Variants in PIGV observed in about 807,000 individuals in gnomAD.
PIGV encodes GPI alpha-1,6-mannosyltransferase 2.
Under a neutral mutation model 39.2 loss-of-function variants are expected in PIGV, and 27 were observed. The observed-to-expected ratio is 0.69, with a 90% CI of 0.51 to 0.95. The LOEUF is 0.95. Ranked by LOEUF, PIGV falls within the 40% of genes least tolerant of loss-of-function variation. The probability of loss-of-function intolerance (pLI) is 0.00; values close to 1 mark genes in which losing one functional copy is unlikely to be tolerated. For synonymous variants in PIGV, 232 were observed against 241.7 expected, an observed-to-expected ratio of 0.96 and a Z score of 0.37; for missense variants, 523 against 586.4, an observed-to-expected ratio of 0.89 and a Z score of 1.12.
intron 2 of PIGV, among the ~76,000 whole-genome samples, chr1:26,791,963 G>A (rs1216984797): frequency 6.6e-6 from 1 of 152,226 alleles, no homozygotes; most frequent in African/African-American, 2.4e-5. Context: ...CAGCATCCAG[G>A]ATAGGGAACC....
At position 26,795,116 on chromosome 1, in the gene PIGV, G is replaced by A. The variant is rs748890495; in HGVS notation, c.1082G>A (p.Ser361Asn). 1.2e-6 allele frequency: 2 copies of A among 1,614,130 alleles called. No individual in the cohort carries two copies. The highest frequency in any genetic ancestry group is 1.7e-5 in the Admixed American group (1 of 60,018). Residue 361 changes from serine (S) to asparagine (N), a missense_variant, in exon 3 of 4, where the codon AGC (serine) becomes AAC (asparagine). Transcript: ENST00000674202. The stretch of plus-strand genomic sequence containing the variant: ...TGCCTTACACTTGGGCTGCAAAGGA[G>A]CAAGAACAATAAGACCCTAGAGAAG... ...WLCLTLGLQRSKNNKTLEKPD... is the reference protein window; with the variant it reads ...WLCLTLGLQRNKNNKTLEKPD...
At chr1:26,793,625 A>G (rs1570641584) in intron 2 of PIGV, among the ~76,000 whole-genome samples, 1 of 152,188 alleles carries the variant, frequency 6.6e-6, no homozygotes, top group East Asian at 1.9e-4. Flanking sequence ...TTTTTGAAAC[A>G]GGGTCTCATG....
chr1:26,791,339 A>G (rs2081306830), intron 2 of PIGV, among the ~76,000 whole-genome samples: 1 of 152,178 alleles, frequency 6.6e-6, no homozygotes, highest in African/African-American at 2.4e-5. Flanking sequence ...TCCTAAAACC[A>G]TCTGGATATG....
chr1:26,787,330 G>A (rs1182251279), upstream of PIGV: 2 of 152,118 alleles, frequency 1.3e-5, no homozygotes, highest in African/African-American at 2.4e-5. Flanking sequence ...TGAGGGAGGT[G>A]AAAGGAGCCC....
chr1:26,792,428 C>T (rs985533859), intron 2 of PIGV, among the ~76,000 whole-genome samples: 19 of 151,596 alleles, frequency 1.3e-4, no homozygotes, highest in African/African-American at 1.9e-4. Flanking sequence ...CCCGGGTTCA[C>T]GCCATTCTCC....
At chr1:26,790,730 G>A in intron 1 of PIGV, 29 bp from the exon 2 acceptor site, 1 of 1,054,372 alleles carries the variant, frequency 9.5e-7, no homozygotes, top group East Asian at 2.4e-5. Context: ...TTCACTCGAT[G>A]TGTGACATTT....
In PIGV at chr1:26,790,946, G is replaced by A. The variant is rs1405999511; in HGVS notation, c.78+53G>A. 4.8e-6 allele frequency: 7 copies of A among 1,448,980 alleles called. No individual in the cohort carries two copies. In the East Asian group the frequency reaches 1.4e-4, roughly 28 times the overall value. 89.8% of individuals were successfully genotyped at this position (1,448,980 alleles called of 1,614,324 possible). On this transcript the variant is annotated intron_variant, in intron 2 of 3. Transcript: ENST00000674202. The stretch of plus-strand genomic sequence containing the variant: ...GTGCTATTGCTACATGACTGGACTA[G>A]GCAGTAAGAAGTGTCCCCATCTCCT...
chr1:26,795,430 C>T (rs115960004), intron 3 of PIGV, among the ~76,000 whole-genome samples, 196 bp downstream of exon 3: 4 of 152,092 alleles, frequency 2.6e-5, no homozygotes, highest in African/African-American at 7.2e-5. Context: ...GACAAAATTG[C>T]GGCCAGGCGC....
rs2081418445 is a variant in PIGV, at chr1:26,798,679, C to T, written c.*835C>T. ...CTGAGTTTGCGCCACTGCGCTCCAG[C>T]CTGGGCAACAGAGTGAGGCTCTGTC... On this transcript the variant is annotated 3_prime_UTR_variant, in exon 4 of 4. Transcript: ENST00000674202. 6.6e-6 allele frequency among the ~76,000 whole-genome samples: 1 copy of T among 152,206 alleles called. No homozygotes were observed. The highest frequency in any genetic ancestry group is 1.5e-5 in the Non-Finnish European group (1 of 68,040).
At position 26,799,292 on chromosome 1, in the gene PIGV, G is replaced by GT. The variant is rs1362034665; in HGVS notation, c.*1449dup. On this transcript the variant is annotated 3_prime_UTR_variant, in exon 4 of 4. Coordinates refer to ENST00000674202, the MANE Select transcript of PIGV (RefSeq NM_017837.4). Reference sequence around the variant, plus strand: ...GGCGGCAGGAATTGGTAAATTGTACGTAAGTCCAAGGTGGAATGAAATGGT... The same window carrying GT: ...GGCGGCAGGAATTGGTAAATTGTACGTTAAGTCCAAGGTGGAATGAAATGGT... Among the ~76,000 whole-genome samples the GT allele has an allele frequency of 2.0e-5, 3 of 152,206 alleles. No homozygotes were observed. The highest frequency in any genetic ancestry group is 1.5e-5 in the Non-Finnish European group (1 of 68,048).
chr1:26,794,190 G>C lies in PIGV; in HGVS notation c.156G>C (p.Val52=). 6.2e-7 allele frequency: 1 copy of C among 1,614,206 alleles called. No individual in the cohort carries two copies. Among genetic ancestry groups the C allele is most frequent in the Non-Finnish European group, 8.5e-7 (1 of 1,180,030 alleles). The stretch of plus-strand genomic sequence containing the variant: ...CTCGCCTGGCCCCCTCAGGCTTTGT[G>C]GACCAACTCGTGGAAGGTCTTCTGG... ...SPPRLAPSGF[V]DQLVEGLLGG... is the part of the protein sequence containing the mutation. The change falls in exon 3 of 4, where the codon GTG becomes GTC. Residue 52 remains valine (V), a synonymous_variant. Transcript: ENST00000674202.
intron 3 of PIGV, among the ~76,000 whole-genome samples, chr1:26,796,164 A>ATTTT (rs1226934532): frequency 1.6e-5 from 2 of 125,106 alleles, no homozygotes; most frequent in African/African-American, 6.1e-5. Flanking sequence ...TCGGCCTGAG[A>ATTTT]TTTTTTTTTT....
Position 26,788,217 on chromosome 1 carries a change from G to A in PIGV, c.-109G>A, listed in dbSNP as rs1189885838. The stretch of plus-strand genomic sequence containing the variant: ...TCTGCTTCCGGCCCTGTGGCCTGGT[G>A]GGGCTCTGCAGGCTCCCTCGGGAGT... On this transcript the variant is annotated 5_prime_UTR_variant, in exon 1 of 4. Transcript: ENST00000674202. The A allele has an allele frequency of 6.6e-6, 1 of 152,540 alleles. No individual in the cohort carries two copies. Among genetic ancestry groups the A allele is most frequent in the Non-Finnish European group, 1.5e-5 (1 of 68,282 alleles). 9.4% of individuals were successfully genotyped at this position (152,540 alleles called of 1,614,324 possible).
At chr1:26,792,771 C>T (rs189553959) in intron 2 of PIGV, among the ~76,000 whole-genome samples, 113 of 152,318 alleles carry the variant, frequency 7.4e-4, no homozygotes, top group Non-Finnish European at 1.4e-3. Flanking sequence ...GGTTTTGGCT[C>T]CTGGTTCACT....
In PIGV at chr1:26,792,263, C is replaced by T. The variant is rs1317436375; in HGVS notation, c.78+1370C>T. ...TGCCTCCCAGGTTTAAATGATTCTC[C>T]CTCCTCAGGCTCTGAAGTAGCTGAG... On this transcript the variant is annotated intron_variant, in intron 2 of 3. Transcript: ENST00000674202. Among the ~76,000 whole-genome samples the T allele has an allele frequency of 2.6e-5, 4 of 152,108 alleles. No individual in the cohort carries two copies. The South Asian group carries it at 6.2e-4, about 24-fold the overall frequency.
chr1:26,792,032 A>T (rs2081315691), intron 2 of PIGV, among the ~76,000 whole-genome samples: 1 of 152,344 alleles, frequency 6.6e-6, no homozygotes, highest in Admixed American at 6.5e-5. Context: ...TCCTCTAGGC[A>T]GTTCATTCAA....
chr1:26,787,243 T>C (rs574885709), upstream of PIGV, among the ~76,000 whole-genome samples: 2 of 152,184 alleles, frequency 1.3e-5, no homozygotes, highest in South Asian at 2.1e-4. Context: ...CTCCCCCCAA[T>C]AGACGGTTTT....
chr1:26,797,220 C>G (rs2081395208), intron 3 of PIGV, among the ~76,000 whole-genome samples: 1 of 152,210 alleles, frequency 6.6e-6, no homozygotes, highest in Admixed American at 6.5e-5. Context: ...GGAACCACCT[C>G]AGGTTCCCAA....
rs2081416550 is a variant in PIGV, at chr1:26,798,605, G to T, written c.*761G>T. Among the ~76,000 whole-genome samples, 1 of 152,242 alleles carries T rather than the reference G, an allele frequency of 6.6e-6. No homozygotes were observed. Among genetic ancestry groups the T allele is most frequent in the South Asian group, 2.1e-4 (1 of 4,836 alleles). On this transcript the variant is annotated 3_prime_UTR_variant, in exon 4 of 4. Coordinates refer to ENST00000674202, the MANE Select transcript of PIGV (RefSeq NM_017837.4). ...ACACACCTGTAATCCTACTCGGGAG[G>T]CTGAGGCATGAGAATTGCTTGAACT...
Sources: gnomAD v4.1 joint callset for allele counts (sites outside exome capture counted in the v4.1 genomes callset) on GRCh38, gnomAD v4.1.1 for gene constraint, MANE v1.5 for transcripts, NCBI Gene and HGNC (gene_info 2026-07-23, HGNC 2026-07-21) for gene names.